The following TTLL5 variants were observed in gnomAD, a reference collection of about 807,000 sequenced individuals.
TTLL5 encodes the protein tubulin polyglutamylase TTLL5.
Under a neutral mutation model 168.4 loss-of-function variants are expected in TTLL5, and 132 were observed. The ratio of observed to expected loss-of-function variants is 0.78; its 90% CI spans 0.68 to 0.91. The LOEUF is 0.91. TTLL5 is among the 40% of genes least tolerant of loss of function. The probability of loss-of-function intolerance (pLI) is 0.00; values close to 1 mark genes in which losing one functional copy is unlikely to be tolerated. For missense variants in TTLL5, 1,545 were observed against 1,581.5 expected (o/e 0.98, Z 0.39); for synonymous variants, 546 against 558.6 (o/e 0.98, Z 0.32).
At chr14:75,900,582 A>G (rs1486238235) in intron 30 of TTLL5, among the ~76,000 whole-genome samples, 2 of 152,162 alleles carry the variant, frequency 1.3e-5, no homozygotes, top group East Asian at 1.9e-4. Flanking sequence ...ATTCCTGTCA[A>G]AGACATTCAG....
intron 29 of TTLL5, among the ~76,000 whole-genome samples, chr14:75,877,140 G>T (rs756129957): frequency 6.6e-6 from 1 of 152,148 alleles, no homozygotes; most frequent in Non-Finnish European, 1.5e-5. Context: ...ATAGAGAGTA[G>T]CGTTTGCCTA....
chr14:75,950,212 T>C (rs1442807331), intron 31 of TTLL5, among the ~76,000 whole-genome samples: 1 of 152,212 alleles, frequency 6.6e-6, no homozygotes, highest in Non-Finnish European at 1.5e-5. Flanking sequence ...CAATCAGTTT[T>C]TGTGTAGGAA....
chr14:75,924,602 AAGGTC>A (rs2033945182), intron 31 of TTLL5, among the ~76,000 whole-genome samples: 1 of 151,926 alleles, frequency 6.6e-6, no homozygotes, highest in South Asian at 2.1e-4. Flanking sequence ...GGTTGGGGGT[AAGGTC>A]ACCGATCAAC....
rs149812431 is a variant in TTLL5 at position 75,884,630 on chromosome 14, T to G, written c.3740+1728T>G. On this transcript the variant is annotated intron_variant, in intron 30 of 31. Coordinates refer to ENST00000298832, the MANE Select transcript of TTLL5 (RefSeq NM_015072.5). ...AATATAATCCAGGTATCAAAAGGCATGCTGTGAGGCGTTGTTCCAGGAAAT... is the reference window on the plus strand; with the variant it reads ...AATATAATCCAGGTATCAAAAGGCAGGCTGTGAGGCGTTGTTCCAGGAAAT... Among the ~76,000 whole-genome samples, 80 of 152,338 alleles carry G rather than the reference T, an allele frequency of 5.3e-4. No homozygotes were observed. The East Asian group carries it at 0.015, about 29-fold the overall frequency.
intron 31 of TTLL5, among the ~76,000 whole-genome samples, chr14:75,924,063 C>G (rs1239960982): frequency 1.9e-5 from 2 of 104,308 alleles, no homozygotes; most frequent in South Asian, 5.9e-4. Context: ...TTTTTGCTTT[C>G]CATTTGCCTG....
intron 1 of TTLL5, among the ~76,000 whole-genome samples, chr14:75,662,450 G>T (rs1443127113): frequency 6.6e-6 from 1 of 150,508 alleles, no homozygotes; most frequent in African/African-American, 2.4e-5. Flanking sequence ...TCAGCCTCCC[G>T]AGTAGCTGGG....
intron 26 of TTLL5, among the ~76,000 whole-genome samples, chr14:75,790,818 C>T (rs1892654711): frequency 6.7e-6 from 1 of 148,408 alleles, no homozygotes; most frequent in African/African-American, 2.5e-5. Context: ...ATTTTGGGGC[C>T]GGGTGCGGTG....
At chr14:75,856,922 C>G (rs1897160860) in intron 28 of TTLL5, among the ~76,000 whole-genome samples, 1 of 152,086 alleles carries the variant, frequency 6.6e-6, no homozygotes, top group Non-Finnish European at 1.5e-5. Flanking sequence ...CCACACCCAG[C>G]CGAGTTGTAT....
At chr14:75,678,572 C>CT (rs551194822) in intron 3 of TTLL5, among the ~76,000 whole-genome samples, 28 of 151,568 alleles carry the variant, frequency 1.8e-4, no homozygotes, top group South Asian at 4.2e-4. Context: ...ATTTCCTAGA[C>CT]TTTTTTTTTG....
intron 8 of TTLL5, among the ~76,000 whole-genome samples, chr14:75,707,410 TTTA>T (rs1886733790): frequency 6.6e-6 from 1 of 152,058 alleles, no homozygotes; most frequent in Admixed American, 6.6e-5. Flanking sequence ...TTATACGGTT[TTTA>T]TTATGTACTA....
At chr14:75,917,848 G>C (rs751294459) in intron 31 of TTLL5, among the ~76,000 whole-genome samples, 1 of 152,210 alleles carries the variant, frequency 6.6e-6, no homozygotes, top group African/African-American at 2.4e-5. Context: ...ATCACCCCTG[G>C]ATTAGTTAAG....
chr14:75,874,989 A>C (rs990354598), intron 29 of TTLL5, among the ~76,000 whole-genome samples: 1 of 128,090 alleles, frequency 7.8e-6, no homozygotes, highest in Admixed American at 8.8e-5. Context: ...GCTGGAGTGC[A>C]GTGGCGTGAT....
chr14:75,785,005 A>G (rs1338791111), intron 26 of TTLL5, among the ~76,000 whole-genome samples: 1 of 152,022 alleles, frequency 6.6e-6, no homozygotes, highest in Non-Finnish European at 1.5e-5. Context: ...GTCAGATAGG[A>G]TTTATAAATA....
intron 28 of TTLL5, among the ~76,000 whole-genome samples, chr14:75,831,783 G>C (rs1895583282): frequency 6.6e-6 from 1 of 152,174 alleles, no homozygotes; most frequent in Non-Finnish European, 1.5e-5. Flanking sequence ...TTTCTTTACT[G>C]TGTGTGCATA....
intron 31 of TTLL5, among the ~76,000 whole-genome samples, chr14:75,940,108 G>A (rs1306560494): frequency 2.5e-5 from 3 of 119,866 alleles, no homozygotes; most frequent in South Asian, 5.3e-4. Context: ...TTGAGATGGA[G>A]TCTCACTCTT....
intron 28 of TTLL5, among the ~76,000 whole-genome samples, chr14:75,857,418 T>TAGATAGATAGATAGATAGAC (rs55908634): frequency 6.6e-6 from 1 of 151,668 alleles, no homozygotes; most frequent in South Asian, 2.1e-4. Flanking sequence ...GATAGATAGA[T>TAGATAGATAGATAGATAGAC]TTTATTAGCT....
chr14:75,812,433 T>A (rs1033931222), intron 27 of TTLL5, among the ~76,000 whole-genome samples: 20 of 152,176 alleles, frequency 1.3e-4, no homozygotes, highest in South Asian at 4.1e-4. Flanking sequence ...TTTTTGTTTT[T>A]TCGTTGTTAC....
At chr14:75,704,264 C>T (rs764206440) in intron 7 of TTLL5, among the ~76,000 whole-genome samples, 17 of 152,184 alleles carry the variant, frequency 1.1e-4, no homozygotes, top group Non-Finnish European at 1.8e-4. Context: ...TCCAGCCAGG[C>T]GCAGTGGCTC....
At chr14:75,717,316 T>C (rs1887534088) in intron 9 of TTLL5, among the ~76,000 whole-genome samples, 1 of 152,022 alleles carries the variant, frequency 6.6e-6, no homozygotes, top group Non-Finnish European at 1.5e-5. Context: ...GGTCTTGCAG[T>C]GTTGCCTAGG....
Sources: allele counts gnomAD v4.1 joint callset (sites outside exome capture counted in the v4.1 genomes callset), GRCh38; gene constraint gnomAD v4.1.1; transcripts MANE v1.5; gene names NCBI Gene and HGNC (gene_info 2026-07-23, HGNC 2026-07-21).